PDGFA: variants seen among roughly 807,000 people sequenced by gnomAD.
PDGFA encodes platelet derived growth factor subunit A, also known as platelet-derived growth factor subunit A.
Under a neutral mutation model 25.6 loss-of-function variants are expected in PDGFA, and 9 were observed. That is an observed-to-expected ratio of 0.35 (90% CI 0.21 to 0.61). PDGFA has a LOEUF of 0.61. Ranked by LOEUF, PDGFA falls within the 20% of genes least tolerant of loss-of-function variation. The pLI, the probability that PDGFA is intolerant of heterozygous loss-of-function variation, is 0.75. For synonymous variants in PDGFA, 133 were observed against 111.8 expected (o/e 1.19, Z -1.20); for missense variants, 242 against 272.8 (o/e 0.89, Z 0.79).
At chr7:506,286 AG>A (rs1202219118) in intron 4 of PDGFA, among the ~76,000 whole-genome samples, 1 of 151,888 alleles carries the variant, frequency 6.6e-6, no homozygotes, top group Non-Finnish European at 1.5e-5. Flanking sequence ...TTTATAACAA[AG>A]AAAAAAAAAG....
chr7:515,976 A>T (rs1412491803), intron 2 of PDGFA, among the ~76,000 whole-genome samples: 1 of 148,448 alleles, frequency 6.7e-6, no homozygotes, highest in Admixed American at 6.7e-5. Flanking sequence ...CCAGCTCTCC[A>T]CAAGCCTCCC....
chr7:508,662 G>C (rs1008950315), intron 4 of PDGFA, among the ~76,000 whole-genome samples: 25 of 147,952 alleles, frequency 1.7e-4, no homozygotes, highest in African/African-American at 5.7e-4. Flanking sequence ...GCACCCGCCT[G>C]TGCCCACTGC....
Position 517,524 on chromosome 7 carries a change from G to T in PDGFA, c.64-34C>A. 1 of 1,053,510 alleles carries T rather than the reference G, an allele frequency of 9.5e-7. No individual in the cohort carries two copies. The highest frequency in any genetic ancestry group is 1.2e-6 in the Non-Finnish European group (1 of 836,030). 65.3% of individuals were successfully genotyped at this position (1,053,510 alleles called of 1,614,324 possible). On this transcript the variant is annotated intron_variant, in intron 1 of 5. Transcript: ENST00000402802. The surrounding 1 kb of genome is among the most constrained non-coding windows in gnomAD (Gnocchi z 7.4). ...AGAGGCCACACGGTCAGCGCCCGCG[G>T]CCCCGACCCCGCCGGCACGCGCCCC... is the stretch of plus-strand genomic sequence containing the variant.
At chr7:515,639 A>G (rs1783053520) in intron 2 of PDGFA, among the ~76,000 whole-genome samples, 1 of 152,128 alleles carries the variant, frequency 6.6e-6, no homozygotes, top group Non-Finnish European at 1.5e-5. Flanking sequence ...TCAGACCCCA[A>G]AACCTCTCAC....
chr7:499,842 G>A lies in PDGFA; in HGVS notation c.581-1268C>T, dbSNP rs560953183. 4.0e-3 allele frequency among the ~76,000 whole-genome samples: 602 copies of A among 151,606 alleles called. 2 individuals are homozygous for A. The highest frequency in any genetic ancestry group is 6.9e-3 in the Non-Finnish European group (468 of 67,934). On this transcript the variant is annotated intron_variant, in intron 5 of 5. Transcript: ENST00000402802. ...GGATGCCACTAGCCAGACAGAAGGC[G>A]GACACTGATGATACCTCAAGACTAC...
exon 1 of PDGFA, chr7:519,283 G>A: frequency 3.0e-6 from 1 of 334,076 alleles, no homozygotes; most frequent in South Asian, 7.9e-5. Flanking sequence ...AAGGGGCGGA[G>A]GGCGGGGGCT....
upstream of PDGFA, chr7:520,152 G>C (rs1473361774): frequency 5.5e-5 from 17 of 308,426 alleles, no homozygotes; most frequent in Admixed American, 7.7e-4. Flanking sequence ...GCACCGGGTG[G>C]GGAGGGAGGA....
At chr7:498,283 T>G in exon 6 of PDGFA, 1 of 492,620 alleles carries the variant, frequency 2.0e-6, no homozygotes. Flanking sequence ...GTGAGTCCGT[T>G]TTGTTTTTGT....
chr7:513,992 A>G (rs1332393598), intron 2 of PDGFA, among the ~76,000 whole-genome samples: 1 of 152,240 alleles, frequency 6.6e-6, no homozygotes, highest in Non-Finnish European at 1.5e-5. Flanking sequence ...TTTTCATGAA[A>G]AAGTGACACT....
intron 4 of PDGFA, among the ~76,000 whole-genome samples, chr7:504,810 C>T (rs550997354): frequency 1.3e-5 from 2 of 152,342 alleles, no homozygotes; most frequent in South Asian, 2.1e-4. Flanking sequence ...CGGCAGAGAC[C>T]GCAGGCCCGT....
At position 518,913 on chromosome 7, in the gene PDGFA, G is replaced by T. The variant is rs568652303; in HGVS notation, c.63+26C>A. ...GTGTGCGCCGGAGGAGCCGGCGCAG[G>T]GACGGGGCGCGGGGGCGGCACCAAC... is the stretch of plus-strand genomic sequence containing the variant. On this transcript the variant is annotated intron_variant, in intron 1 of 5. Transcript: ENST00000402802. The T allele has an allele frequency of 1.8e-5, 27 of 1,490,942 alleles. No individual in the cohort carries two copies. In the Admixed American group the frequency reaches 5.3e-4, roughly 29 times the overall value. The allele number at this position is 1,490,942 out of a possible 1,614,324, so 92.4% of individuals were successfully genotyped here.
chr7:497,937 T>TG (rs1782131060), exon 6 of PDGFA: 1 of 22,376 alleles, frequency 4.5e-5, no homozygotes, highest in Non-Finnish European at 9.8e-5. Context: ...CACTTTATGG[T>TG]GTAAAAAAAA....
intron 2 of PDGFA, among the ~76,000 whole-genome samples, chr7:513,806 C>A (rs1341674775): frequency 6.6e-6 from 1 of 152,204 alleles, no homozygotes; most frequent in African/African-American, 2.4e-5. Context: ...ATGAAGCCCG[C>A]AAACCTCACA....
chr7:519,660 C>T (rs1783281689), upstream of PDGFA, among the ~76,000 whole-genome samples: 1 of 145,612 alleles, frequency 6.9e-6, no homozygotes. Flanking sequence ...CGGGCAGCGC[C>T]CGCGGCCGAG....
intron 4 of PDGFA, among the ~76,000 whole-genome samples, chr7:505,088 G>A (rs1243196083): frequency 6.6e-6 from 1 of 152,224 alleles, no homozygotes; most frequent in African/African-American, 2.4e-5. Context: ...CCTCTGTCTG[G>A]CCAGGAAATA....
chr7:502,866 G>A (rs1782410398), intron 4 of PDGFA, among the ~76,000 whole-genome samples: 1 of 150,256 alleles, frequency 6.7e-6, no homozygotes. Flanking sequence ...ACACACACCT[G>A]TATAATGCAC....
exon 1 of PDGFA, chr7:519,102 G>A: frequency 4.6e-6 from 4 of 863,746 alleles, no homozygotes; most frequent in Non-Finnish European, 6.8e-6. Context: ...ATCCCTTAGG[G>A]AGCGCGGCCC....
Position 500,773 on chromosome 7 carries a change from C to G in PDGFA, c.580+343G>C. On this transcript the variant is annotated intron_variant, in intron 5 of 5. Coordinates refer to ENST00000402802, the Ensembl canonical transcript of PDGFA. This position sits in a 1 kb window ranked among gnomAD's most constrained non-coding sequence, Gnocchi z 5.0. ...GCAGTCCTCGAACCTGCTCCTCCCGCCCACCCTGGCAGGAGGCCCTTCTGC... is the reference window on the plus strand; with the variant it reads ...GCAGTCCTCGAACCTGCTCCTCCCGGCCACCCTGGCAGGAGGCCCTTCTGC... The G allele has an allele frequency of 6.9e-7, 1 of 1,440,866 alleles. No homozygotes were observed. The highest frequency in any genetic ancestry group is 9.1e-7 in the Non-Finnish European group (1 of 1,099,426). The allele number at this position is 1,440,866 out of a possible 1,614,324, so 89.3% of individuals were successfully genotyped here.
At chr7:503,434 A>G (rs567326499) in intron 4 of PDGFA, among the ~76,000 whole-genome samples, 46 of 152,178 alleles carry the variant, frequency 3.0e-4, no homozygotes, top group Non-Finnish European at 5.4e-4. Context: ...GCGTGGGGGA[A>G]TGCACGCTGC....
Sources: gnomAD v4.1 joint callset for allele counts (sites outside exome capture counted in the v4.1 genomes callset) on GRCh38, gnomAD v4.1.1 for gene constraint, Gnocchi (gnomAD v3.1) non-coding constraint, MANE v1.5 for transcripts, NCBI Gene and HGNC (gene_info 2026-07-23, HGNC 2026-07-21) for gene names.